Variants in GSG1L2 observed in about 807,000 individuals in gnomAD.
GSG1L2 encodes GSG1 like 2.
In GSG1L2, 15 loss-of-function variants were observed where a neutral mutation model predicts 9.0. The observed-to-expected ratio is 1.67, with a 90% confidence interval of 1.12 to 2.57. The LOEUF (loss-of-function observed/expected upper bound fraction) is 2.57, where lower values mean the gene tolerates loss of function less well. Among genes scored for constraint, GSG1L2 ranks in the 30% most tolerant of loss-of-function variants. The probability of loss-of-function intolerance (pLI) is 0.00; values close to 1 mark genes in which losing one functional copy is unlikely to be tolerated. For missense variants in GSG1L2, 286 were observed against 150.3 expected, an observed-to-expected ratio of 1.90 and a Z score of -4.72; for synonymous variants, 127 against 57.9, an observed-to-expected ratio of 2.19 and a Z score of -5.41.
At chr17:9,806,264 G>C (rs1264691181) in intron 4 of GSG1L2, among the ~76,000 whole-genome samples, 1 of 152,098 alleles carries the variant, frequency 6.6e-6, no homozygotes, top group Admixed American at 6.5e-5. Context: ...TTTGAGAGCT[G>C]TTCTCCCACC....
chr17:9,809,173 T>C (rs2152022903), intron 2 of GSG1L2, 191 bp from the exon 3 acceptor site: 1 of 573,092 alleles, frequency 1.7e-6, no homozygotes, highest in Non-Finnish European at 3.1e-6. Flanking sequence ...AAGAGACGGT[T>C]GTAGGGATTG....
chr17:9,816,870 C>G (rs1156903830), intron 1 of GSG1L2, among the ~76,000 whole-genome samples: 2,009 of 120,990 alleles, frequency 0.017, 124 homozygotes, highest in African/African-American at 0.054. Flanking sequence ...ATGTGTGTGT[C>G]TGTGTGTGTA....
rs138253180 is a variant in GSG1L2 at position 9,816,673 on chromosome 17, CTGTG to C, written c.310+5085_310+5088del. ...TGTGTGTCTGTGTGTGCGTGTGTGT[CTGTG>C]TGTGTGTGTCTGTGTATGTGTGCAT... On this transcript the variant is annotated intron_variant, in intron 1 of 4. Coordinates refer to ENST00000399363, the MANE Select transcript of GSG1L2 (RefSeq NM_001310219.2). Among the ~76,000 whole-genome samples, 867 of 132,304 alleles carry C rather than the reference CTGTG, an allele frequency of 6.6e-3. 6 individuals carry two copies. The highest frequency in any genetic ancestry group is 0.024 in the African/African-American group (782 of 32,842). The allele number at this position is 132,304 out of a possible 152,430, so 86.8% of individuals were successfully genotyped here.
intron 4 of GSG1L2, among the ~76,000 whole-genome samples, chr17:9,806,035 G>A (rs865960386): frequency 2.2e-4 from 33 of 152,228 alleles, no homozygotes; most frequent in African/African-American, 7.7e-4. Context: ...CCTGAGAGGT[G>A]GCCTTTTGAT....
At chr17:9,806,555 C>G (rs1348630745) in intron 4 of GSG1L2, among the ~76,000 whole-genome samples, 1 of 152,064 alleles carries the variant, frequency 6.6e-6, no homozygotes, top group Non-Finnish European at 1.5e-5. Context: ...ACAAACAGAC[C>G]ATTCTTCAGG....
At position 9,809,144 on chromosome 17, in the gene GSG1L2, A is replaced by T. The variant is rs1311806359; in HGVS notation, c.359-162T>A. 54 of 602,870 alleles carry T rather than the reference A, an allele frequency of 9.0e-5. No individual in the cohort carries two copies. In the East Asian group the frequency reaches 1.5e-3, roughly 17 times the overall value. 37.3% of individuals were successfully genotyped at this position (602,870 alleles called of 1,614,324 possible). ...TGCTGAATCTTAGCTGGCAATGGAAAGGCACTCCTCAGGGCTGAAAGAGAC... is the reference window on the plus strand; with the variant it reads ...TGCTGAATCTTAGCTGGCAATGGAATGGCACTCCTCAGGGCTGAAAGAGAC... On this transcript the variant is annotated intron_variant, in intron 2 of 4. Transcript: ENST00000399363.
In GSG1L2 at chr17:9,820,676, T is replaced by A. The variant is rs1330757294; in HGVS notation, c.310+1086A>T. On this transcript the variant is annotated intron_variant, in intron 1 of 4. Coordinates refer to ENST00000399363, the MANE Select transcript of GSG1L2 (RefSeq NM_001310219.2). This position sits in a 1 kb window ranked among gnomAD's most constrained non-coding sequence, Gnocchi z 4.9. ...CTGAGTGTTCCTTTTTTTTTTTTTT[T>A]AATTTGAGACAGGTCTCGCTCTATC... is the stretch of plus-strand genomic sequence containing the variant. 5.3e-5 allele frequency among the ~76,000 whole-genome samples: 7 copies of A among 131,806 alleles called. No homozygotes were observed. The highest frequency in any genetic ancestry group is 2.1e-4 in the African/African-American group (7 of 32,932). 86.5% of individuals were successfully genotyped at this position (131,806 alleles called of 152,430 possible).
Position 9,820,229 on chromosome 17 carries a change from A to C in GSG1L2, c.310+1533T>G, listed in dbSNP as rs972053359. Among the ~76,000 whole-genome samples, 1 of 152,226 alleles carries C rather than the reference A, an allele frequency of 6.6e-6. No homozygotes were observed. Among genetic ancestry groups the C allele is most frequent in the African/African-American group, 2.4e-5 (1 of 41,456 alleles). ...AGTTCCTTGGGTGATACATTTGATA[A>C]CTGGTGTGACGCCTATATAGAGCTG... is the stretch of plus-strand genomic sequence containing the variant. On this transcript the variant is annotated intron_variant, in intron 1 of 4. Transcript: ENST00000399363. The surrounding 1 kb of genome is among the most constrained non-coding windows in gnomAD (Gnocchi z 4.9).
chr17:9,808,227 C>G (rs1478390843), intron 3 of GSG1L2, among the ~76,000 whole-genome samples: 2 of 152,024 alleles, frequency 1.3e-5, no homozygotes, highest in Non-Finnish European at 2.9e-5. Flanking sequence ...GGTTCTTTCT[C>G]CCTGGAAAGG....
At chr17:9,806,215 T>C (rs142840352) in intron 4 of GSG1L2, among the ~76,000 whole-genome samples, 3 of 152,334 alleles carry the variant, frequency 2.0e-5, no homozygotes, top group Non-Finnish European at 4.4e-5. Flanking sequence ...CCTGCTTCTC[T>C]AACCCATAAA....
At chr17:9,807,317 A>C in intron 4 of GSG1L2, 173 bp downstream of exon 4, 1 of 589,084 alleles carries the variant, frequency 1.7e-6, no homozygotes, top group South Asian at 2.0e-5. Flanking sequence ...AGGTATCCTC[A>C]CTTTATCGAT....
chr17:9,806,438 G>A (rs1032032415), intron 4 of GSG1L2, among the ~76,000 whole-genome samples: 1 of 152,170 alleles, frequency 6.6e-6, no homozygotes, highest in Non-Finnish European at 1.5e-5. Flanking sequence ...AGATTGTTAC[G>A]CTTAGTACTA....
chr17:9,811,814 C>A (rs1050241901), intron 1 of GSG1L2, among the ~76,000 whole-genome samples: 8 of 152,128 alleles, frequency 5.3e-5, no homozygotes, highest in Admixed American at 1.3e-4. Flanking sequence ...CCAGCGCTGT[C>A]CCGCTACATC....
intron 1 of GSG1L2, among the ~76,000 whole-genome samples, chr17:9,815,540 T>C (rs1217320718): frequency 6.6e-6 from 1 of 152,226 alleles, no homozygotes; most frequent in Non-Finnish European, 1.5e-5. Context: ...GTTAAACAAA[T>C]TCCTGTATCG....
At chr17:9,806,722 A>G (rs1190333090) in intron 4 of GSG1L2, among the ~76,000 whole-genome samples, 2 of 152,200 alleles carry the variant, frequency 1.3e-5, no homozygotes. Flanking sequence ...AACCAATAGC[A>G]CTAATTCAAA....
In GSG1L2 at chr17:9,814,013, C is replaced by A. The variant is rs150328620; in HGVS notation, c.311-3395G>T. ...GCAATGGCATGATCTTGGCTCACTG[C>A]AACCTCTGCCTCCCGGGTTCAAGCG... On this transcript the variant is annotated intron_variant, in intron 1 of 4. Transcript: ENST00000399363. Among the ~76,000 whole-genome samples the A allele has an allele frequency of 1.6e-3, 241 of 152,082 alleles. 7 individuals are homozygous for A. The East Asian group carries it at 0.042, about 27-fold the overall frequency.
intron 1 of GSG1L2, among the ~76,000 whole-genome samples, chr17:9,816,735 ATGTGTGTATCTG>A (rs1459865517): frequency 4.9e-5 from 6 of 122,930 alleles, no homozygotes; most frequent in Non-Finnish European, 1.0e-4. Flanking sequence ...CTGTGTGTGC[ATGTGTGTATCTG>A]TGTGTGTATC....
At chr17:9,808,311 GTTCT>G (rs1459850602) in intron 3 of GSG1L2, among the ~76,000 whole-genome samples, 1 of 152,058 alleles carries the variant, frequency 6.6e-6, no homozygotes, top group Non-Finnish European at 1.5e-5. Context: ...AAAAAAAGGA[GTTCT>G]TTATTTTTAT....
chr17:9,813,981 C>T (rs2066549697), intron 1 of GSG1L2, among the ~76,000 whole-genome samples: 1 of 151,846 alleles, frequency 6.6e-6, no homozygotes, highest in Non-Finnish European at 1.5e-5. Flanking sequence ...GTCGCCAGGG[C>T]TGGTGTGCAA....
Sources: gnomAD v4.1 joint callset for allele counts (sites outside exome capture counted in the v4.1 genomes callset) on GRCh38, gnomAD v4.1.1 for gene constraint, Gnocchi (gnomAD v3.1) non-coding constraint, MANE v1.5 for transcripts, NCBI Gene and HGNC (gene_info 2026-07-23, HGNC 2026-07-21) for gene names.